PCOLCE2: variants seen among roughly 807,000 people sequenced by gnomAD.
PCOLCE2 encodes the protein procollagen C-proteinase enhancer 2.
In PCOLCE2, 42 loss-of-function variants were observed where a neutral mutation model predicts 47.0. The observed-to-expected ratio is 0.89, with a 90% CI of 0.70 to 1.16. The LOEUF (loss-of-function observed/expected upper bound fraction) is 1.16, where lower values mean the gene tolerates loss of function less well. Among genes scored for constraint, PCOLCE2 ranks in the 50% most tolerant of loss-of-function variants. The pLI is 0.00. For synonymous variants in PCOLCE2, 169 were observed against 191.7 expected (o/e 0.88, Z 0.98); for missense variants, 500 against 526.1 (o/e 0.95, Z 0.49).
intron 2 of PCOLCE2, among the ~76,000 whole-genome samples, chr3:142,878,094 T>G (rs1330915328): frequency 6.6e-6 from 1 of 152,202 alleles, no homozygotes; most frequent in Non-Finnish European, 1.5e-5. Context: ...GTCTGGTCCA[T>G]GTAACAGCCC....
chr3:142,886,745 T>C (rs191396586), intron 2 of PCOLCE2, among the ~76,000 whole-genome samples: 1 of 152,346 alleles, frequency 6.6e-6, no homozygotes, highest in Admixed American at 6.5e-5. Flanking sequence ...ATCTATAAAA[T>C]AGGGATGATA....
At chr3:142,847,088 T>A (rs1937335699) in intron 3 of PCOLCE2, among the ~76,000 whole-genome samples, 1 of 152,206 alleles carries the variant, frequency 6.6e-6, no homozygotes, top group Non-Finnish European at 1.5e-5. Context: ...TAAAAATAAT[T>A]TTGTTCTAGC....
At chr3:142,836,129 G>A (rs1408720959) in intron 5 of PCOLCE2, among the ~76,000 whole-genome samples, 1 of 152,174 alleles carries the variant, frequency 6.6e-6, no homozygotes, top group Non-Finnish European at 1.5e-5. Flanking sequence ...TTTGGGGACA[G>A]TCAGGTAGTG....
In PCOLCE2 at chr3:142,838,919, C is replaced by A. The variant is rs373048866; in HGVS notation, c.574-13G>T. ...TTAATTCTATAAGCTTTAGAGAAAG[C>A]ACAATAGAAGTGTCAAATATTAATA... is the stretch of plus-strand genomic sequence containing the variant. On this transcript the variant is annotated splice_polypyrimidine_tract_variant and intron_variant, in intron 4 of 8. Coordinates refer to ENST00000295992, the MANE Select transcript of PCOLCE2 (RefSeq NM_013363.4). 3.7e-5 allele frequency: 59 copies of A among 1,600,844 alleles called. No homozygotes were observed. In the African/African-American group the frequency reaches 7.0e-4, roughly 19 times the overall value.
At position 142,843,008 on chromosome 3, in the gene PCOLCE2, G is replaced by A. The variant is rs1937282118; in HGVS notation, c.489C>T (p.Gly163=). The change falls in exon 4 of 9, where the codon GGC becomes GGT. Residue 163 remains glycine, a synonymous_variant. Transcript: ENST00000295992. ...CTGGCCAGTTGGGGGTTTTAAAAGA[G>A]CCGGAAGGTCTGTCAAGGAGTCCTC... The part of the protein sequence containing the change: ...YCGGLLDRPS[G]SFKTPNWPDR... 1 of 1,613,652 alleles carries A rather than the reference G, an allele frequency of 6.2e-7. No individual in the cohort carries two copies. Among genetic ancestry groups the A allele is most frequent in the South Asian group, 1.1e-5 (1 of 91,076 alleles).
chr3:142,836,708 C>G (rs1229056631), intron 5 of PCOLCE2, among the ~76,000 whole-genome samples: 1 of 151,446 alleles, frequency 6.6e-6, no homozygotes, highest in Non-Finnish European at 1.5e-5. Flanking sequence ...AGGACAGAGT[C>G]AATAGAGTTT....
At chr3:142,851,672 T>A (rs996919452) in intron 2 of PCOLCE2, among the ~76,000 whole-genome samples, 1 of 152,120 alleles carries the variant, frequency 6.6e-6, no homozygotes, top group Non-Finnish European at 1.5e-5. Flanking sequence ...ATATAGATAT[T>A]GAAATTACAG....
chr3:142,820,666 C>G (rs1002952647), intron 8 of PCOLCE2, among the ~76,000 whole-genome samples: 1 of 152,204 alleles, frequency 6.6e-6, no homozygotes, highest in African/African-American at 2.4e-5. Flanking sequence ...CAACTTCAAA[C>G]GCTTCTTTCA....
intron 2 of PCOLCE2, among the ~76,000 whole-genome samples, chr3:142,858,735 ATGTG>A (rs113491195): frequency 3.6e-5 from 5 of 140,366 alleles, no homozygotes; most frequent in African/African-American, 5.0e-5. Flanking sequence ...GTGTGTGTGT[ATGTG>A]TGTGTGTGTG....
rs755656827 is a variant in PCOLCE2 at position 142,888,913 on chromosome 3, G to C, written c.-17C>G. ...GCCCCTCATGGCAGCGTAGACGCTC[G>C]GGGTTTGCACCCCACGGCGCGCGCG... is the stretch of plus-strand genomic sequence containing the variant. On this transcript the variant is annotated 5_prime_UTR_variant, in exon 1 of 9. Transcript: ENST00000295992. 3.5e-6 allele frequency: 5 copies of C among 1,424,546 alleles called. No homozygotes were observed. In the African/African-American group the frequency reaches 6.0e-5, roughly 17 times the overall value. The allele number at this position is 1,424,546 out of a possible 1,614,324, so 88.2% of individuals were successfully genotyped here.
chr3:142,827,597 C>T, intron 6 of PCOLCE2: 2 of 1,475,928 alleles, frequency 1.4e-6, no homozygotes, highest in Non-Finnish European at 1.9e-6. Context: ...GGCCTTCTTG[C>T]CGCAATACAC....
At chr3:142,884,572 G>A (rs1035557472) in intron 2 of PCOLCE2, among the ~76,000 whole-genome samples, 1 of 152,146 alleles carries the variant, frequency 6.6e-6, no homozygotes, top group African/African-American at 2.4e-5. Flanking sequence ...CTCTAATTTA[G>A]TCTCTAAGCA....
intron 2 of PCOLCE2, among the ~76,000 whole-genome samples, chr3:142,871,672 G>A (rs766937002): frequency 2.0e-5 from 3 of 152,198 alleles, no homozygotes; most frequent in Non-Finnish European, 2.9e-5. Flanking sequence ...AGACTACAGC[G>A]GTATCTTCTC....
intron 2 of PCOLCE2, among the ~76,000 whole-genome samples, chr3:142,861,452 T>A (rs1465400173): frequency 6.6e-6 from 1 of 151,860 alleles, no homozygotes; most frequent in Non-Finnish European, 1.5e-5. Flanking sequence ...CTACCTCTTA[T>A]TTTGTTCTAC....
intron 8 of PCOLCE2, among the ~76,000 whole-genome samples, chr3:142,820,434 T>A (rs1220187352): frequency 1.3e-5 from 2 of 152,208 alleles, no homozygotes; most frequent in Non-Finnish European, 2.9e-5. Context: ...TTTCTTTCAA[T>A]AAACTCACTC....
At chr3:142,835,302 G>C (rs1578032756) in intron 5 of PCOLCE2, among the ~76,000 whole-genome samples, 1 of 152,170 alleles carries the variant, frequency 6.6e-6, no homozygotes, top group East Asian at 1.9e-4. Context: ...TATTACATCT[G>C]CCTGATAAAT....
chr3:142,825,233 G>A lies in PCOLCE2; in HGVS notation c.866-1618C>T, dbSNP rs1287261609. Among the ~76,000 whole-genome samples, 3 of 152,124 alleles carry A rather than the reference G, an allele frequency of 2.0e-5. No homozygotes were observed. In the East Asian group the frequency reaches 5.8e-4, roughly 29 times the overall value. ...TTCCCGGGCCCATTGGGAACCGGCT[G>A]CTTCTCAGCCTCCGAAGGTCAGTCT... On this transcript the variant is annotated intron_variant, in intron 6 of 8. Transcript: ENST00000295992.
intron 2 of PCOLCE2, among the ~76,000 whole-genome samples, chr3:142,885,233 C>T (rs1348091730): frequency 6.6e-6 from 1 of 152,182 alleles, no homozygotes; most frequent in African/African-American, 2.4e-5. Flanking sequence ...GTGAAAGCTA[C>T]CATGCTGGGA....
intron 5 of PCOLCE2, among the ~76,000 whole-genome samples, chr3:142,831,191 T>G (rs1937147802): frequency 6.6e-6 from 1 of 152,260 alleles, no homozygotes; most frequent in South Asian, 2.1e-4. Flanking sequence ...AAGAGGTGAT[T>G]GGGTCATGAG....
Sources: gnomAD v4.1 joint callset for allele counts (sites outside exome capture counted in the v4.1 genomes callset) on GRCh38, gnomAD v4.1.1 for gene constraint, MANE v1.5 for transcripts, NCBI Gene and HGNC (gene_info 2026-07-23, HGNC 2026-07-21) for gene names.